The following GASK1A variants were observed in gnomAD, a reference collection of about 807,000 sequenced individuals.
GASK1A encodes golgi associated kinase 1A.
A neutral mutation model predicts 41.2 loss-of-function variants in GASK1A; 40 were observed. That is an observed-to-expected ratio of 0.97 (90% CI 0.75 to 1.27). The LOEUF (loss-of-function observed/expected upper bound fraction) is 1.27, where lower values mean the gene tolerates loss of function less well. Among genes scored for constraint, GASK1A ranks in the 50% most tolerant of loss-of-function variants. The probability of loss-of-function intolerance (pLI) is 0.00; values close to 1 mark genes in which losing one functional copy is unlikely to be tolerated. For synonymous variants in GASK1A, 316 were observed against 307.1 expected (o/e 1.03, Z -0.30); for missense variants, 678 against 745.1 (o/e 0.91, Z 1.05).
intron 1 of GASK1A, among the ~76,000 whole-genome samples, chr3:42,986,050 C>T (rs55788355): frequency 1.3e-5 from 2 of 152,170 alleles, no homozygotes; most frequent in Non-Finnish European, 1.5e-5. Context: ...AACAGCTTTA[C>T]GTATAATTGC....
At chr3:43,047,235 G>A (rs1249780842) in intron 2 of GASK1A, among the ~76,000 whole-genome samples, 1 of 152,194 alleles carries the variant, frequency 6.6e-6, no homozygotes, top group Non-Finnish European at 1.5e-5. Context: ...CAGTCAGGAG[G>A]GGGTCTCTAT....
chr3:43,013,381 G>A (rs1428927464), intron 1 of GASK1A, among the ~76,000 whole-genome samples: 1 of 151,908 alleles, frequency 6.6e-6, no homozygotes, highest in African/African-American at 2.4e-5. Flanking sequence ...CCACAGCAAG[G>A]GGTGCTGTGA....
intron 1 of GASK1A, among the ~76,000 whole-genome samples, chr3:43,006,248 T>A (rs754384060): frequency 6.6e-6 from 1 of 152,206 alleles, no homozygotes; most frequent in Non-Finnish European, 1.5e-5. Flanking sequence ...GATCCTCCTT[T>A]CCCAGCATCC....
intron 3 of GASK1A, among the ~76,000 whole-genome samples, chr3:43,054,846 T>C (rs680967): frequency 0.95 from 144,893 of 152,334 alleles, 69,299 homozygotes; most frequent in East Asian, 1. Context: ...GGATAAAGGA[T>C]ATGTCTGTGA....
intron 4 of GASK1A, 83 bp downstream of exon 4, chr3:43,055,618 G>C: frequency 2.2e-6 from 2 of 906,814 alleles, no homozygotes; most frequent in South Asian, 2.9e-5. Flanking sequence ...TTCAACTGTG[G>C]CCCTGAGAAG....
At chr3:43,012,523 A>T (rs2089468749) in intron 1 of GASK1A, among the ~76,000 whole-genome samples, 1 of 151,174 alleles carries the variant, frequency 6.6e-6, no homozygotes, top group Non-Finnish European at 1.5e-5. Context: ...GGAAGTGGAA[A>T]GTCACATGAA....
intron 1 of GASK1A, among the ~76,000 whole-genome samples, chr3:43,023,296 C>T (rs184897298): frequency 6.6e-6 from 1 of 152,306 alleles, no homozygotes; most frequent in Non-Finnish European, 1.5e-5. Flanking sequence ...AACAGATTCT[C>T]CCCTAGAGCC....
intron 2 of GASK1A, among the ~76,000 whole-genome samples, chr3:43,035,232 C>T (rs746459179): frequency 6.6e-6 from 1 of 152,200 alleles, no homozygotes; most frequent in African/African-American, 2.4e-5. Context: ...CCATTTAGTA[C>T]ATGGTAGCTC....
chr3:43,033,015 C>G lies in GASK1A; in HGVS notation c.752C>G (p.Ser251Trp), dbSNP rs1185411814. 1.3e-6 allele frequency: 2 copies of G among 1,551,650 alleles called. No homozygotes were observed. The highest frequency in any genetic ancestry group is 4.9e-5 in the East Asian group (2 of 40,900). ...GATGCTGAGACGCTGTTGAGCAGCTCGAGGACTGGTGGGCAGGCTCCCCCA... is the reference window on the plus strand; with the variant it reads ...GATGCTGAGACGCTGTTGAGCAGCTGGAGGACTGGTGGGCAGGCTCCCCCA... ...WCDAETLLSSSRTGGQAPPWL... is the reference protein window; with the variant it reads ...WCDAETLLSSWRTGGQAPPWL... The change falls in exon 2 of 5, where the codon TCG becomes TGG. Residue 251 changes from serine (S) to tryptophan (W), a missense_variant. Physicochemically the swap from Ser to Trp is radical, Grantham distance 177. Coordinates refer to ENST00000430121, the MANE Select transcript of GASK1A (RefSeq NM_001129908.3).
At chr3:43,004,393 T>A (rs2089424369) in intron 1 of GASK1A, among the ~76,000 whole-genome samples, 1 of 152,224 alleles carries the variant, frequency 6.6e-6, no homozygotes, top group Admixed American at 6.5e-5. Context: ...AGGGGATGAC[T>A]AGGTTAACTG....
At chr3:43,023,515 T>G (rs1389483671) in intron 1 of GASK1A, among the ~76,000 whole-genome samples, 1 of 152,192 alleles carries the variant, frequency 6.6e-6, no homozygotes, top group African/African-American at 2.4e-5. Context: ...CCTGAGAAGA[T>G]GCACACCCTA....
intron 1 of GASK1A, among the ~76,000 whole-genome samples, chr3:42,993,282 C>T (rs2089351174): frequency 6.6e-6 from 1 of 152,162 alleles, no homozygotes; most frequent in African/African-American, 2.4e-5. Flanking sequence ...GTAGTGTTGG[C>T]AGGACCTGTG....
intron 1 of GASK1A, among the ~76,000 whole-genome samples, chr3:42,987,476 A>G (rs2089318032): frequency 6.6e-6 from 1 of 152,236 alleles, no homozygotes; most frequent in Non-Finnish European, 1.5e-5. Flanking sequence ...AGGGGGTACT[A>G]TGAATTAAAG....
intron 2 of GASK1A, among the ~76,000 whole-genome samples, chr3:43,049,621 G>A (rs898772034): frequency 6.6e-6 from 1 of 152,154 alleles, no homozygotes; most frequent in Admixed American, 6.6e-5. Flanking sequence ...ACTAGAATCA[G>A]TGGATATATT....
intron 2 of GASK1A, among the ~76,000 whole-genome samples, chr3:43,039,169 C>A (rs1254622607): frequency 4.0e-5 from 6 of 149,936 alleles, no homozygotes; most frequent in Non-Finnish European, 1.5e-5. Context: ...TTTCTTGCTA[C>A]CAGCACAATC....
chr3:43,041,237 C>A (rs1351022379), intron 2 of GASK1A, among the ~76,000 whole-genome samples: 2 of 151,788 alleles, frequency 1.3e-5, no homozygotes, highest in Non-Finnish European at 2.9e-5. Flanking sequence ...TGGATATATA[C>A]CCAGTAATGG....
chr3:43,002,301 A>G (rs1279095068), intron 1 of GASK1A, among the ~76,000 whole-genome samples: 1 of 152,158 alleles, frequency 6.6e-6, no homozygotes, highest in Non-Finnish European at 1.5e-5. Flanking sequence ...ATGGCATATC[A>G]ATTTCTTTCT....
chr3:43,042,486 G>C (rs2089642990), intron 2 of GASK1A, among the ~76,000 whole-genome samples: 1 of 151,988 alleles, frequency 6.6e-6, no homozygotes, highest in African/African-American at 2.4e-5. Context: ...TGTCTCAAAA[G>C]AAAACAAAAG....
chr3:42,992,355 C>T (rs1388266266), intron 1 of GASK1A, among the ~76,000 whole-genome samples: 1 of 152,202 alleles, frequency 6.6e-6, no homozygotes, highest in Non-Finnish European at 1.5e-5. Flanking sequence ...CCTCAGTTTC[C>T]CTTGGCAATA....
Sources: allele counts gnomAD v4.1 joint callset (sites outside exome capture counted in the v4.1 genomes callset), GRCh38; gene constraint gnomAD v4.1.1; transcripts MANE v1.5; gene names NCBI Gene and HGNC (gene_info 2026-07-23, HGNC 2026-07-21).